Variants in CENPE observed in about 807,000 individuals in gnomAD.
The protein encoded by CENPE is centromere-associated protein E.
A neutral mutation model predicts 336.1 loss-of-function variants in CENPE; 145 were observed. The observed-to-expected ratio is 0.43, with a 90% CI of 0.38 to 0.50. The LOEUF (loss-of-function observed/expected upper bound fraction) is 0.50. Ranked by LOEUF, CENPE falls within the 20% of genes least tolerant of loss-of-function variation. CENPE has a pLI of 0.00. For missense variants in CENPE, 2,719 were observed against 3,023.3 expected (o/e 0.90, Z 2.36); for synonymous variants, 1,013 against 984.8 (o/e 1.03, Z -0.54).
In CENPE at chr4:103,163,259, A is replaced by G; in HGVS notation, c.1723-3T>C. On this transcript the variant is annotated splice_polypyrimidine_tract_variant and splice_region_variant and intron_variant, in intron 17 of 48. Transcript: ENST00000265148. ...TCTACTTTTGAACTGAGTTCATTCT[A>G]AAAGAATCAAAGGAGAGAGTAACAA... The G allele has an allele frequency of 1.2e-6, 2 of 1,603,242 alleles. No homozygotes were observed. The highest frequency in any genetic ancestry group is 4.5e-5 in the East Asian group (2 of 44,628).
chr4:103,126,406 T>C (rs944388337), intron 42 of CENPE, among the ~76,000 whole-genome samples: 6 of 152,138 alleles, frequency 3.9e-5, no homozygotes, highest in African/African-American at 1.4e-4. Flanking sequence ...GCTCTTGCCT[T>C]CCATGTGAAG....
At chr4:103,189,438 C>T (rs1257565080) in intron 8 of CENPE, among the ~76,000 whole-genome samples, 1 of 152,134 alleles carries the variant, frequency 6.6e-6, no homozygotes, top group Non-Finnish European at 1.5e-5. Flanking sequence ...AAAAGCTTAT[C>T]CACCATGATC....
chr4:103,168,352 C>G (rs1428314111), intron 16 of CENPE, among the ~76,000 whole-genome samples: 2 of 151,460 alleles, frequency 1.3e-5, no homozygotes, highest in African/African-American at 4.9e-5. Context: ...CTTGTCTTGA[C>G]TGCAGCCCCT....
chr4:103,140,830 T>G lies in CENPE; in HGVS notation c.5738A>C (p.Gln1913Pro). ...LERDQLKESL[Q>P]ETKARDLEIQ... is the part of the protein sequence containing the mutation. The stretch of plus-strand genomic sequence containing the variant: ...ACAACTCACTCTAGCTTTGGTTTCT[T>G]GCAGGCTTTCCTTGAGTTGGTCTCT... The change falls in exon 36 of 49, where the codon CAA becomes CCA. Residue 1913 changes from glutamine to proline, a missense_variant. Transcript: ENST00000265148. 1 of 1,587,858 alleles carries G rather than the reference T, an allele frequency of 6.3e-7. No individual in the cohort carries two copies. The highest frequency in any genetic ancestry group is 8.5e-7 in the Non-Finnish European group (1 of 1,172,066).
chr4:103,122,539 C>T (rs546463922), intron 43 of CENPE, among the ~76,000 whole-genome samples: 43 of 152,206 alleles, frequency 2.8e-4, no homozygotes, highest in African/African-American at 1.0e-3. Context: ...GTTCTGCATA[C>T]GGACATAGAT....
chr4:103,129,579 T>C (rs1751410601), intron 42 of CENPE, among the ~76,000 whole-genome samples: 1 of 151,934 alleles, frequency 6.6e-6, no homozygotes, highest in South Asian at 2.1e-4. Context: ...CTACTAAAAA[T>C]ACAAAAATTA....
At chr4:103,146,342 C>G (rs1578605230) in intron 29 of CENPE, among the ~76,000 whole-genome samples, 1 of 152,190 alleles carries the variant, frequency 6.6e-6, no homozygotes, top group African/African-American at 2.4e-5. Flanking sequence ...ATGAGACTTA[C>G]AGGATCTCTC....
intron 9 of CENPE, among the ~76,000 whole-genome samples, chr4:103,185,506 T>C (rs758809440): frequency 3.3e-5 from 5 of 152,064 alleles, no homozygotes; most frequent in Admixed American, 6.5e-5. Context: ...TCTTTCTTAA[T>C]TTCCTTATTT....
chr4:103,127,155 A>G (rs1751194243), intron 42 of CENPE, among the ~76,000 whole-genome samples: 1 of 151,556 alleles, frequency 6.6e-6, no homozygotes, highest in East Asian at 1.9e-4. Flanking sequence ...ACAAAAAACA[A>G]CATCTAAGCA....
chr4:103,198,154 C>T (rs1441512566), intron 1 of CENPE, 110 bp downstream of exon 1: 1 of 1,048,672 alleles, frequency 9.5e-7, no homozygotes, highest in Non-Finnish European at 1.4e-6. Context: ...AGTCACTAGA[C>T]AGCAGAGCCG....
Position 103,194,375 on chromosome 4 carries a change from A to T in CENPE, c.626T>A (p.Met209Lys). The change falls in exon 7 of 49, where the codon ATG becomes AAG. Residue 209 changes from methionine to lysine, a missense_variant and splice_region_variant. Physicochemically the swap from Met to Lys is moderately conservative, Grantham distance 95 (BLOSUM62 -1). Transcript: ENST00000265148. Reference protein sequence around the residue: ...RSSRSHTIFRMILESREKGEP... With the variant: ...RSSRSHTIFRKILESREKGEP... ...TAACAGATAGATAGAATTACCTACC[A>T]TCCTAAAGATGGTATGAGAACGACT... The T allele has an allele frequency of 6.2e-7, 1 of 1,609,886 alleles. No homozygotes were observed. The highest frequency in any genetic ancestry group is 8.5e-7 in the Non-Finnish European group (1 of 1,176,926).
intron 42 of CENPE, among the ~76,000 whole-genome samples, chr4:103,128,254 C>T (rs567132541): frequency 3.0e-4 from 46 of 152,150 alleles, no homozygotes; most frequent in African/African-American, 9.9e-4. Flanking sequence ...CTAACAAAAA[C>T]GCATTAAAAT....
At chr4:103,143,448 A>G (rs1235901835) in intron 33 of CENPE, 42 bp from the exon 34 acceptor site, 1 of 1,292,888 alleles carries the variant, frequency 7.7e-7, no homozygotes, top group South Asian at 1.2e-5. Context: ...TGAGAGTAGT[A>G]CCATCCACAT....
chr4:103,113,355 C>A (rs1474143694), intron 46 of CENPE, among the ~76,000 whole-genome samples: 1 of 140,782 alleles, frequency 7.1e-6, no homozygotes, highest in African/African-American at 2.6e-5. Context: ...TACATATACT[C>A]GTATATATAC....
Position 103,123,048 on chromosome 4 carries a change from A to G in CENPE, c.6966T>C (p.Ala2322=), listed in dbSNP as rs1169872936. Residue 2322 remains alanine, a synonymous_variant, in exon 43 of 49, where the codon GCT becomes GCC. Coordinates refer to ENST00000265148, the MANE Select transcript of CENPE (RefSeq NM_001813.3). ...CCTGTTCCCACTCTTTGGATATGGT[A>G]GCACTTCTTTCCTCAAACTCTGTTG... ...NESTEFEERS[A]TISKEWEQDL... 6.2e-7 allele frequency: 1 copy of G among 1,613,908 alleles called. No homozygotes were observed. The highest frequency in any genetic ancestry group is 1.1e-5 in the South Asian group (1 of 91,070).
chr4:103,166,029 A>T (rs951859008), intron 16 of CENPE, among the ~76,000 whole-genome samples: 1 of 151,984 alleles, frequency 6.6e-6, no homozygotes, highest in East Asian at 1.9e-4. Flanking sequence ...CTCTGTGTTG[A>T]CTCAATTCAA....
chr4:103,139,687 T>C, intron 38 of CENPE, 102 bp downstream of exon 38: 2 of 1,140,592 alleles, frequency 1.8e-6, no homozygotes, highest in South Asian at 1.6e-5. Flanking sequence ...CCTTTACTGT[T>C]CATAGGAATT....
chr4:103,109,745 T>C (rs140466767), intron 47 of CENPE, among the ~76,000 whole-genome samples: 51 of 152,290 alleles, frequency 3.3e-4, no homozygotes, highest in African/African-American at 1.2e-3. Context: ...ATTCTAAAAT[T>C]TGATCCCTCT....
chr4:103,133,749 T>C lies in CENPE; in HGVS notation c.6666A>G (p.Pro2222=). 6.2e-7 allele frequency: 1 copy of C among 1,610,998 alleles called. No individual in the cohort carries two copies. Among genetic ancestry groups the C allele is most frequent in the South Asian group, 1.1e-5 (1 of 90,494 alleles). The change falls in exon 41 of 49, where the codon CCA becomes CCG. Residue 2222 remains proline, a synonymous_variant. Coordinates refer to ENST00000265148, the MANE Select transcript of CENPE (RefSeq NM_001813.3). ...ATTTGAGATCCCTTAATTCTCTGGA[T>C]GGTACATCACAATCTTGTTGAAGGT... The part of the protein sequence containing the change: ...IQHLQQDCDV[P]SRELRDLKLN...
Sources: gnomAD v4.1 joint callset for allele counts (sites outside exome capture counted in the v4.1 genomes callset) on GRCh38, gnomAD v4.1.1 for gene constraint, MANE v1.5 for transcripts, NCBI Gene and HGNC (gene_info 2026-07-23, HGNC 2026-07-21) for gene names.